FMN2: variants seen among roughly 807,000 people sequenced by gnomAD.
FMN2 encodes formin-2.
A neutral mutation model predicts 142.3 loss-of-function variants in FMN2; 51 were observed. The observed-to-expected ratio is 0.36, with a 90% CI of 0.29 to 0.45. FMN2 has a LOEUF of 0.45. Ranked by LOEUF, FMN2 falls within the 20% of genes least tolerant of loss-of-function variation. The pLI is 1.00. For missense variants in FMN2, 1,936 were observed against 2,122.8 expected, an observed-to-expected ratio of 0.91 and a Z score of 1.73; for synonymous variants, 882 against 869.8, an observed-to-expected ratio of 1.01 and a Z score of -0.25.
intron 16 of FMN2, among the ~76,000 whole-genome samples, chr1:240,448,236 A>G (rs1675892913): frequency 6.6e-6 from 1 of 152,198 alleles, no homozygotes; most frequent in Non-Finnish European, 1.5e-5. Context: ...ATCAACTTAG[A>G]TAATTAGTCA....
At chr1:240,301,319 G>A (rs1003836151) in intron 8 of FMN2, among the ~76,000 whole-genome samples, 4 of 151,532 alleles carry the variant, frequency 2.6e-5, no homozygotes, top group African/African-American at 9.7e-5. Flanking sequence ...GCTTTTTGCT[G>A]CCTCTCCTGC....
intron 10 of FMN2, 105 bp from the exon 11 acceptor site, chr1:240,330,498 A>T: frequency 8.3e-7 from 1 of 1,202,158 alleles, no homozygotes; most frequent in Non-Finnish European, 1.2e-6. Flanking sequence ...TTCGGTTGTG[A>T]CCCAAAACTC....
intron 8 of FMN2, among the ~76,000 whole-genome samples, chr1:240,295,224 ACTC>A (rs1302286595): frequency 7.5e-6 from 1 of 133,294 alleles, no homozygotes; most frequent in Non-Finnish European, 1.7e-5. Context: ...ACACACACAC[ACTC>A]ACACACACTT....
chr1:240,347,004 CA>C (rs1418967046), intron 13 of FMN2, among the ~76,000 whole-genome samples: 3 of 152,052 alleles, frequency 2.0e-5, no homozygotes, highest in Non-Finnish European at 4.4e-5. Context: ...TATGTATAAG[CA>C]ATTAATAAAT....
chr1:240,261,861 C>T (rs577268791), intron 7 of FMN2, among the ~76,000 whole-genome samples: 1 of 152,178 alleles, frequency 6.6e-6, no homozygotes, highest in African/African-American at 2.4e-5. Flanking sequence ...AGTTATAATA[C>T]CTCTGAAAAA....
intron 7 of FMN2, among the ~76,000 whole-genome samples, chr1:240,288,999 T>C (rs983941473): frequency 6.6e-5 from 10 of 152,190 alleles, no homozygotes; most frequent in Non-Finnish European, 1.3e-4. Context: ...GAGCTGCACC[T>C]GGATTTGTGA....
chr1:240,249,438 T>C (rs1247494309), intron 6 of FMN2, among the ~76,000 whole-genome samples: 2 of 152,202 alleles, frequency 1.3e-5, no homozygotes, highest in Admixed American at 6.5e-5. Context: ...GGGTTCTCTA[T>C]TCTTTTCCAT....
intron 14 of FMN2, among the ~76,000 whole-genome samples, chr1:240,369,766 C>T (rs1672803634): frequency 6.6e-6 from 1 of 152,122 alleles, no homozygotes; most frequent in Non-Finnish European, 1.5e-5. Context: ...CCCTCAGGAT[C>T]TTTTATGTTT....
chr1:240,384,526 C>G (rs1463503964), intron 14 of FMN2, among the ~76,000 whole-genome samples: 2 of 151,908 alleles, frequency 1.3e-5, no homozygotes, highest in African/African-American at 4.8e-5. Context: ...GTCTTTTTTC[C>G]CACTGTTCAT....
intron 15 of FMN2, among the ~76,000 whole-genome samples, chr1:240,408,570 TA>T (rs1029880563): frequency 2.6e-5 from 4 of 152,216 alleles, no homozygotes; most frequent in Admixed American, 2.6e-4. Context: ...TTTACCATTT[TA>T]AAGTTGATTT....
At chr1:240,154,469 C>G (rs116326819) in intron 2 of FMN2, among the ~76,000 whole-genome samples, 1,538 of 152,182 alleles carry the variant, frequency 0.01, 25 homozygotes, top group African/African-American at 0.035. Flanking sequence ...TGTGAAAGAT[C>G]CTGACACATT....
intron 8 of FMN2, among the ~76,000 whole-genome samples, chr1:240,295,431 A>G (rs1456653): frequency 0.36 from 54,281 of 151,862 alleles, 9,936 homozygotes; most frequent in Admixed American, 0.43. Flanking sequence ...CTTTTGACCA[A>G]TATCTCCCTA....
intron 15 of FMN2, among the ~76,000 whole-genome samples, chr1:240,406,035 G>GGAGTCGGGGAAGCGAAGGGAATCAGCC (rs1674149395): frequency 2.2e-5 from 1 of 45,498 alleles, no homozygotes. Context: ...GGGAAGCAGC[G>GGAGTCGGGGAAGCGAAGGGAATCAGCC]TCAGGAGTCG....
rs72766270 is a variant in FMN2 at position 240,327,331 on chromosome 1, G to T, written c.4216-1745G>T. ...TTAAAAGAAACTTCTTTTGAGACAC[G>T]TCTTTGTTAGTTAATCCTATCAACT... On this transcript the variant is annotated intron_variant, in intron 8 of 17. Coordinates refer to ENST00000319653, the MANE Select transcript of FMN2 (RefSeq NM_020066.5). Among the ~76,000 whole-genome samples, 1,042 of 152,182 alleles carry T rather than the reference G, an allele frequency of 6.8e-3. 6 individuals are homozygous for T. The highest frequency in any genetic ancestry group is 0.012 in the Non-Finnish European group (795 of 68,006).
intron 2 of FMN2, among the ~76,000 whole-genome samples, chr1:240,133,381 G>A (rs555184914): frequency 6.6e-6 from 1 of 152,214 alleles, no homozygotes; most frequent in African/African-American, 2.4e-5. Context: ...ATGTGGCCAA[G>A]GCTGGTCTTG....
chr1:240,123,657 G>A (rs1331659983), intron 2 of FMN2, among the ~76,000 whole-genome samples: 2 of 152,030 alleles, frequency 1.3e-5, no homozygotes, highest in Non-Finnish European at 2.9e-5. Flanking sequence ...TTTTAATTGT[G>A]GTAAAATACA....
intron 15 of FMN2, among the ~76,000 whole-genome samples, chr1:240,429,494 A>G (rs1303654539): frequency 6.6e-6 from 1 of 152,188 alleles, no homozygotes; most frequent in African/African-American, 2.4e-5. Context: ...GTAAACATTA[A>G]AAATGCACAA....
chr1:240,441,013 T>TG (rs1675594496), intron 16 of FMN2, among the ~76,000 whole-genome samples: 1 of 128,396 alleles, frequency 7.8e-6, no homozygotes, highest in Non-Finnish European at 1.6e-5. Context: ...TTTTTTTTTT[T>TG]GAGACATAGT....
Position 240,123,343 on chromosome 1 carries a change from G to A in FMN2, c.1780G>A (p.Asp594Asn), listed in dbSNP as rs1662361841. Reference protein sequence around the residue: ...QNAQTNAASFDQDQLYTWAAV... With the variant: ...QNAQTNAASFNQDQLYTWAAV... ...TGCCCAGACGAATGCAGCTTCGTTTGATGTAAGTAGGAGAATTCACTTCTG... is the reference window on the plus strand; with the variant it reads ...TGCCCAGACGAATGCAGCTTCGTTTAATGTAAGTAGGAGAATTCACTTCTG... The change falls in exon 2 of 18, where the codon GAT (aspartate) becomes AAT (asparagine). Residue 594 changes from aspartate to asparagine, a missense_variant and splice_region_variant. Around this residue, in one of 8 missense-constraint regions of FMN2, gnomAD observed 478 missense variants for 462.8 expected, o/e 1.03. Transcript: ENST00000319653. 1 of 1,613,264 alleles carries A rather than the reference G, an allele frequency of 6.2e-7. No individual in the cohort carries two copies. The highest frequency in any genetic ancestry group is 8.5e-7 in the Non-Finnish European group (1 of 1,179,764).
Sources: gnomAD v4.1 joint callset for allele counts (sites outside exome capture counted in the v4.1 genomes callset) on GRCh38, gnomAD v4.1.1 for gene constraint, gnomAD v4.1.1 regional missense constraint, MANE v1.5 for transcripts, NCBI Gene and HGNC (gene_info 2026-07-23, HGNC 2026-07-21) for gene names.